Variants in CADPS observed in about 807,000 individuals in gnomAD.
CADPS encodes the protein calcium dependent secretion activator.
A neutral mutation model predicts 167.3 loss-of-function variants in CADPS; 57 were observed. The ratio of observed to expected loss-of-function variants is 0.34; its 90% CI spans 0.28 to 0.42. The LOEUF (loss-of-function observed/expected upper bound fraction) is 0.42, where lower values mean the gene tolerates loss of function less well. CADPS is among the 20% of genes least tolerant of loss of function. The pLI, the probability that CADPS is intolerant of heterozygous loss-of-function variation, is 1.00. For missense variants in CADPS, 1,414 were observed against 1,738.1 expected, an observed-to-expected ratio of 0.81 and a Z score of 3.32; for synonymous variants, 676 against 635.3, an observed-to-expected ratio of 1.06 and a Z score of -0.96.
chr3:62,695,457 T>A (rs2080086597), intron 3 of CADPS, among the ~76,000 whole-genome samples: 1 of 152,092 alleles, frequency 6.6e-6, no homozygotes, highest in Admixed American at 6.6e-5. Context: ...CCAGGCTTTA[T>A]CCATATCTAG....
intron 3 of CADPS, among the ~76,000 whole-genome samples, chr3:62,688,333 A>G (rs1257338295): frequency 6.6e-6 from 1 of 152,006 alleles, no homozygotes. Flanking sequence ...GAGCTAAGTG[A>G]GTTTTGTGAG....
intron 13 of CADPS, among the ~76,000 whole-genome samples, chr3:62,526,785 C>T (rs2072352919): frequency 6.6e-6 from 1 of 152,146 alleles, no homozygotes; most frequent in African/African-American, 2.4e-5. Context: ...TTCCCTCAAT[C>T]AGTGGGTCTT....
At chr3:62,515,658 G>A (rs924282983) in intron 16 of CADPS, among the ~76,000 whole-genome samples, 1 of 151,996 alleles carries the variant, frequency 6.6e-6, no homozygotes, top group African/African-American at 2.4e-5. Flanking sequence ...TTCTTGTATT[G>A]CTTCCAATGC....
chr3:62,451,475 CA>C lies in CADPS; in HGVS notation c.3637-5679del, dbSNP rs551655598. ...TGATACTATTAAATCAATGCACAGA[CA>C]AAAAAAAAAAGTGGATTAGGCCCTT... On this transcript the variant is annotated intron_variant, in intron 26 of 29. Transcript: ENST00000383710. 9.6e-3 allele frequency among the ~76,000 whole-genome samples: 1,312 copies of C among 136,706 alleles called. 7 individuals carry two copies. Among genetic ancestry groups the C allele is most frequent in the South Asian group, 0.024 (104 of 4,270 alleles). The allele number at this position is 136,706 out of a possible 152,430, so 89.7% of individuals were successfully genotyped here.
At chr3:62,404,661 G>A (rs993676410) in intron 28 of CADPS, 2 of 151,962 alleles carry the variant, frequency 1.3e-5, no homozygotes, top group Admixed American at 1.3e-4. Flanking sequence ...CCCCAATCGA[G>A]GCAGCACTGC....
intron 6 of CADPS, among the ~76,000 whole-genome samples, chr3:62,641,896 T>A (rs28572410): frequency 0.042 from 6,420 of 152,168 alleles, 464 homozygotes; most frequent in African/African-American, 0.14. Context: ...CCACAAAGTA[T>A]TAATATATTT....
intron 28 of CADPS, among the ~76,000 whole-genome samples, chr3:62,426,032 T>C (rs62243937): frequency 0.091 from 13,792 of 152,294 alleles, 854 homozygotes; most frequent in Non-Finnish European, 0.14. Flanking sequence ...CTTGCTATCA[T>C]GTTTTCTGAT....
intron 10 of CADPS, among the ~76,000 whole-genome samples, chr3:62,551,329 A>G (rs529549302): frequency 1.3e-5 from 2 of 152,286 alleles, no homozygotes; most frequent in African/African-American, 4.8e-5. Context: ...ACTTCCAATG[A>G]ATCATGAAAT....
chr3:62,521,998 T>G (rs565986707), intron 13 of CADPS, among the ~76,000 whole-genome samples: 1 of 152,288 alleles, frequency 6.6e-6, no homozygotes, highest in Non-Finnish European at 1.5e-5. Context: ...GGAATTTGCT[T>G]GTTCCAGCAG....
intron 26 of CADPS, among the ~76,000 whole-genome samples, chr3:62,447,241 G>A (rs2149989027): frequency 6.6e-6 from 1 of 152,290 alleles, no homozygotes; most frequent in Middle Eastern, 3.4e-3. Context: ...CTGAAAGCTT[G>A]GTGAAATGAG....
chr3:62,631,094 A>G (rs936336218), intron 6 of CADPS, among the ~76,000 whole-genome samples: 1 of 150,272 alleles, frequency 6.7e-6, no homozygotes, highest in Non-Finnish European at 1.5e-5. Context: ...TACTTTAAAA[A>G]CTTTATCTGT....
At chr3:62,863,777 T>C (rs1390427635) in intron 1 of CADPS, among the ~76,000 whole-genome samples, 1 of 152,228 alleles carries the variant, frequency 6.6e-6, no homozygotes, top group Non-Finnish European at 1.5e-5. Context: ...ATGCATTCTT[T>C]GGTGGTGAGG....
intron 28 of CADPS, among the ~76,000 whole-genome samples, chr3:62,424,322 T>C: frequency 6.6e-6 from 1 of 152,192 alleles, no homozygotes; most frequent in Non-Finnish European, 1.5e-5. Flanking sequence ...TAGGTGGGGC[T>C]ACAGGTGTGT....
At chr3:62,605,835 T>C (rs539969368) in intron 6 of CADPS, among the ~76,000 whole-genome samples, 2 of 152,348 alleles carry the variant, frequency 1.3e-5, no homozygotes, top group Admixed American at 1.3e-4. Flanking sequence ...GTAATCCAAG[T>C]GCCAGTACTG....
intron 28 of CADPS, among the ~76,000 whole-genome samples, chr3:62,405,910 A>G (rs1708306973): frequency 2.0e-5 from 3 of 152,182 alleles, no homozygotes. Flanking sequence ...AAAAAACAGG[A>G]GGCAATGCCT....
intron 1 of CADPS, among the ~76,000 whole-genome samples, chr3:62,812,392 T>C (rs79703547): frequency 0.052 from 7,955 of 152,280 alleles, 279 homozygotes; most frequent in Middle Eastern, 0.16. Flanking sequence ...CCAAGTTTCA[T>C]CAGTTAGTGA....
chr3:62,591,777 G>A (rs2086096741), intron 7 of CADPS, among the ~76,000 whole-genome samples: 1 of 152,150 alleles, frequency 6.6e-6, no homozygotes, highest in African/African-American at 2.4e-5. Context: ...TTTTCATGAT[G>A]TTTTGATTGA....
chr3:62,630,776 T>C (rs976107231), intron 6 of CADPS, among the ~76,000 whole-genome samples: 1 of 152,162 alleles, frequency 6.6e-6, no homozygotes, highest in South Asian at 2.1e-4. Flanking sequence ...TCAGTGCAAA[T>C]AACATGTTAT....
intron 28 of CADPS, among the ~76,000 whole-genome samples, chr3:62,413,778 A>G (rs2049458041): frequency 1.3e-5 from 2 of 152,246 alleles, no homozygotes; most frequent in Admixed American, 1.3e-4. Flanking sequence ...GACAATTAAA[A>G]GAAAGATGGG....
Sources: gnomAD v4.1 joint callset for allele counts (sites outside exome capture counted in the v4.1 genomes callset) on GRCh38, gnomAD v4.1.1 for gene constraint, MANE v1.5 for transcripts, NCBI Gene and HGNC (gene_info 2026-07-23, HGNC 2026-07-21) for gene names.